The following CASR variants were observed in gnomAD, a reference collection of about 807,000 sequenced individuals.
CASR encodes calcium sensing receptor.
CASR carries 23 observed loss-of-function variants against 69.1 expected under a neutral mutation model. The ratio of observed to expected loss-of-function variants is 0.33; its 90% CI spans 0.24 to 0.47. The LOEUF is 0.47. Among genes scored for constraint, CASR ranks in the 20% least tolerant of loss-of-function variants. CASR has a pLI of 1.00. For synonymous variants in CASR, 541 were observed against 544.7 expected (o/e 0.99, Z 0.10); for missense variants, 924 against 1,356.1 (o/e 0.68, Z 5.00).
chr3:122,209,185 G>T (rs1436722126), intron 1 of CASR, among the ~76,000 whole-genome samples: 1 of 152,028 alleles, frequency 6.6e-6, no homozygotes, highest in Non-Finnish European at 1.5e-5. Flanking sequence ...GATGCTGCTG[G>T]TCCTAGAGTC....
chr3:122,226,301 A>G (rs982363978), intron 1 of CASR, among the ~76,000 whole-genome samples: 1 of 149,986 alleles, frequency 6.7e-6, no homozygotes, highest in Non-Finnish European at 1.5e-5. Context: ...TGAGTGTTAC[A>G]GCTCTTAAGG....
At chr3:122,227,034 T>C (rs996443205) in intron 1 of CASR, among the ~76,000 whole-genome samples, 2 of 152,350 alleles carry the variant, frequency 1.3e-5, no homozygotes, top group African/African-American at 4.8e-5. Flanking sequence ...AGGGTGCTGA[T>C]TGGTGTGTTT....
intron 1 of CASR, among the ~76,000 whole-genome samples, chr3:122,227,614 A>G (rs2074237266): frequency 6.6e-6 from 1 of 152,176 alleles, no homozygotes; most frequent in African/African-American, 2.4e-5. Flanking sequence ...CAGCCCAGAA[A>G]GGGGCTCCCA....
In CASR at chr3:122,287,066, C is replaced by A. The variant is rs148838479; in HGVS notation, c.*1875C>A. The stretch of plus-strand genomic sequence containing the variant: ...CCGGCCCCCACCCAGCCTGCGCCCC[C>A]CTGCAGTCATGCCTCTGAGCAAGGC... On this transcript the variant is annotated 3_prime_UTR_variant, in exon 7 of 7. Coordinates refer to ENST00000639785, the MANE Select transcript of CASR (RefSeq NM_000388.4). 1.3e-5 allele frequency: 2 copies of A among 152,246 alleles called. No individual in the cohort carries two copies. Among genetic ancestry groups the A allele is most frequent in the Non-Finnish European group, 2.9e-5 (2 of 68,068 alleles). The allele number at this position is 152,246 out of a possible 1,614,324, so 9.4% of individuals were successfully genotyped here. A position where few individuals can be genotyped will look rare whatever the true frequency, so the allele number is the denominator to read the frequency against.
rs528149503 is a variant in CASR, at chr3:122,231,288, A to G, written c.-242-22660A>G. Among the ~76,000 whole-genome samples the G allele has an allele frequency of 2.0e-4, 31 of 152,238 alleles. No individual in the cohort carries two copies. The South Asian group carries it at 6.4e-3, about 32-fold the overall frequency. On this transcript the variant is annotated intron_variant, in intron 1 of 6. Coordinates refer to ENST00000639785, the MANE Select transcript of CASR (RefSeq NM_000388.4). Reference sequence around the variant, plus strand: ...CTTGCTGTTTGAAGGTGGCCATCCCACGAGTGGGCTAAACTAGGCATTCTA... The same window carrying G: ...CTTGCTGTTTGAAGGTGGCCATCCCGCGAGTGGGCTAAACTAGGCATTCTA...
intron 2 of CASR, among the ~76,000 whole-genome samples, chr3:122,255,498 A>G (rs1425398060): frequency 3.3e-5 from 5 of 152,228 alleles, no homozygotes; most frequent in African/African-American, 7.2e-5. Flanking sequence ...GCAGAATCGC[A>G]CTGATGCTGA....
chr3:122,204,635 T>A (rs2073988593), intron 1 of CASR, among the ~76,000 whole-genome samples: 1 of 152,166 alleles, frequency 6.6e-6, no homozygotes, highest in African/African-American at 2.4e-5. Flanking sequence ...TTTTTCATTT[T>A]TTGAGGAACC....
intron 1 of CASR, among the ~76,000 whole-genome samples, chr3:122,190,118 A>T (rs922910291): frequency 2.6e-5 from 4 of 151,874 alleles, no homozygotes; most frequent in Non-Finnish European, 5.9e-5. Context: ...TGGGAGTGAC[A>T]CTCAGGCTGA....
In CASR at chr3:122,277,048, CTT is replaced by C. The variant is rs11341423; in HGVS notation, c.1608+1023_1608+1024del. 8.3e-3 allele frequency among the ~76,000 whole-genome samples: 1,070 copies of C among 129,426 alleles called. 10 individuals are homozygous for C. Among genetic ancestry groups the C allele is most frequent in the African/African-American group, 0.028 (961 of 34,456 alleles). 84.9% of individuals were successfully genotyped at this position (129,426 alleles called of 152,430 possible). A position where few individuals can be genotyped will look rare whatever the true frequency, so the allele number is the denominator to read the frequency against. ...CCTTTGAGCATCTTGGACCACTTTTCTTTTTTTTTTTTTTTTTTGAGATGGGG... is the reference window on the plus strand; with the variant it reads ...CCTTTGAGCATCTTGGACCACTTTTCTTTTTTTTTTTTTTTTGAGATGGGG... On this transcript the variant is annotated intron_variant, in intron 5 of 6. Coordinates refer to ENST00000639785, the MANE Select transcript of CASR (RefSeq NM_000388.4).
intron 1 of CASR, among the ~76,000 whole-genome samples, chr3:122,252,070 G>C (rs1184361621): frequency 1.3e-5 from 2 of 152,086 alleles, no homozygotes; most frequent in Non-Finnish European, 2.9e-5. Context: ...AAGGTGGGAG[G>C]ATCACTTGAG....
chr3:122,284,994 C>A lies in CASR; in HGVS notation c.3040C>A (p.Leu1014Ile), dbSNP rs202219108. 3.1e-6 allele frequency: 5 copies of A among 1,614,112 alleles called. No individual in the cohort carries two copies. In the Admixed American group the frequency reaches 8.3e-5, roughly 27 times the overall value. The stretch of plus-strand genomic sequence containing the variant: ...TACGCTGACCCGACACGAGCCATTA[C>A]TCCCGCTGCAGTGCGGGGAAACGGA... ...SDTLTRHEPL[L>I]PLQCGETDLD... Residue 1014 changes from leucine to isoleucine, a missense_variant, in exon 7 of 7, where the codon CTC (leucine) becomes ATC (isoleucine). Physicochemically the swap from Leu to Ile is conservative, Grantham distance 5 (BLOSUM62 2). Transcript: ENST00000639785.
chr3:122,263,530 G>T (rs1313797593), intron 4 of CASR, among the ~76,000 whole-genome samples: 1 of 152,150 alleles, frequency 6.6e-6, no homozygotes, highest in Non-Finnish European at 1.5e-5. Flanking sequence ...ATGATAACTA[G>T]AACACCTTTG....
intron 1 of CASR, among the ~76,000 whole-genome samples, chr3:122,209,316 C>T (rs1400439886): frequency 1.3e-5 from 2 of 152,162 alleles, no homozygotes. Context: ...GGAGCTGGTA[C>T]CATTTCTTCT....
intron 4 of CASR, among the ~76,000 whole-genome samples, chr3:122,274,545 A>G (rs1381776951): frequency 6.6e-6 from 1 of 152,204 alleles, no homozygotes; most frequent in African/African-American, 2.4e-5. Context: ...CATTCATTAG[A>G]TGGACTCAGC....
At chr3:122,243,541 G>A (rs1176719615) in intron 1 of CASR, among the ~76,000 whole-genome samples, 1 of 152,128 alleles carries the variant, frequency 6.6e-6, no homozygotes, top group African/African-American at 2.4e-5. Context: ...TGGCAAGGAT[G>A]TGAAGAAAAG....
In CASR at chr3:122,261,826, C is replaced by T; in HGVS notation, c.791C>T (p.Ala264Val). 1 of 1,614,200 alleles carries T rather than the reference C, an allele frequency of 6.2e-7. No homozygotes were observed. Among genetic ancestry groups the T allele is most frequent in the African/African-American group, 1.3e-5 (1 of 75,048 alleles). The change falls in exon 4 of 7, where the codon GCC becomes GTC. Residue 264 changes from alanine to valine, a missense_variant. Around this residue, in one of 8 missense-constraint regions of CASR, gnomAD observed 310 missense variants for 395.7 expected, o/e 0.78. Transcript: ENST00000639785. ...GTAGAGGTGATTCAAAATTCCACGG[C>T]CAAAGTCATCGTGGTTTTCTCCAGT... Reference protein sequence around the residue: ...HVVEVIQNSTAKVIVVFSSGP... With the variant: ...HVVEVIQNSTVKVIVVFSSGP...
At chr3:122,210,221 T>C (rs2074049476) in intron 1 of CASR, among the ~76,000 whole-genome samples, 2 of 152,134 alleles carry the variant, frequency 1.3e-5, no homozygotes, top group Admixed American at 6.5e-5. Context: ...TAACATAGCA[T>C]TGGAAGTTCT....
intron 1 of CASR, among the ~76,000 whole-genome samples, chr3:122,219,036 G>A (rs374744480): frequency 6.6e-6 from 1 of 152,278 alleles, no homozygotes; most frequent in Admixed American, 6.5e-5. Context: ...GGAAATTAGG[G>A]TGGCCGGAAA....
Position 122,289,182 on chromosome 3 carries a change from A to C in CASR, c.*3991A>C, listed in dbSNP as rs1290718472. Reference sequence around the variant, plus strand: ...ATTTGAAATAATTATTGCTACAAGAATAATGGAACATCAATAAGGGGTGCT... The same window carrying C: ...ATTTGAAATAATTATTGCTACAAGACTAATGGAACATCAATAAGGGGTGCT... On this transcript the variant is annotated 3_prime_UTR_variant, in exon 7 of 7. Coordinates refer to ENST00000639785, the MANE Select transcript of CASR (RefSeq NM_000388.4). The C allele has an allele frequency of 6.6e-6, 1 of 152,250 alleles. No homozygotes were observed. Among genetic ancestry groups the C allele is most frequent in the Non-Finnish European group, 1.5e-5 (1 of 68,054 alleles). The allele number at this position is 152,250 out of a possible 1,614,324, so 9.4% of individuals were successfully genotyped here. A position where few individuals can be genotyped will look rare whatever the true frequency, so the allele number is the denominator to read the frequency against.
Sources: allele counts gnomAD v4.1 joint callset (sites outside exome capture counted in the v4.1 genomes callset), GRCh38; gene constraint gnomAD v4.1.1; regional missense constraint gnomAD v4.1.1; transcripts MANE v1.5; gene names NCBI Gene and HGNC (gene_info 2026-07-23, HGNC 2026-07-21).